The following CTNNBL1 variants were observed in gnomAD, a reference collection of about 807,000 sequenced individuals.
CTNNBL1 encodes catenin beta like 1, also known as beta-catenin-like protein 1.
CTNNBL1 carries 31 observed loss-of-function variants against 72.7 expected under a neutral mutation model. That is an observed-to-expected ratio of 0.43 (90% CI 0.32 to 0.58). The LOEUF (loss-of-function observed/expected upper bound fraction) is 0.58. Ranked by LOEUF, CTNNBL1 falls within the 20% of genes least tolerant of loss-of-function variation. The pLI is 0.08. For missense variants in CTNNBL1, 534 were observed against 725.1 expected, an observed-to-expected ratio of 0.74 and a Z score of 3.03; for synonymous variants, 240 against 267.3, an observed-to-expected ratio of 0.90 and a Z score of 1.00.
intron 11 of CTNNBL1, among the ~76,000 whole-genome samples, chr20:37,828,247 G>A (rs895934209): frequency 1.3e-5 from 2 of 152,152 alleles, no homozygotes; most frequent in African/African-American, 4.8e-5. Context: ...GATAGTTTCA[G>A]TACAACACAG....
chr20:37,715,437 A>G (rs1210040024), intron 1 of CTNNBL1, among the ~76,000 whole-genome samples: 1 of 152,230 alleles, frequency 6.6e-6, no homozygotes, highest in Middle Eastern at 3.2e-3. Flanking sequence ...TAACTGTTGA[A>G]TAGTTTGGAT....
chr20:37,839,950 G>A (rs930358253), intron 11 of CTNNBL1, 152 bp from the exon 12 acceptor site: 22 of 572,488 alleles, frequency 3.8e-5, no homozygotes, highest in Non-Finnish European at 5.9e-5. Flanking sequence ...CGGTTTTTTA[G>A]TGACACAATT....
At chr20:37,796,978 G>A (rs2122725002) in intron 10 of CTNNBL1, among the ~76,000 whole-genome samples, 1 of 152,298 alleles carries the variant, frequency 6.6e-6, no homozygotes, top group South Asian at 2.1e-4. Context: ...GGGTGATATG[G>A]GTAGTGATGT....
chr20:37,717,539 G>C lies in CTNNBL1; in HGVS notation c.31-15340G>C, dbSNP rs147151933. 1.2e-4 allele frequency among the ~76,000 whole-genome samples: 19 copies of C among 152,132 alleles called. No individual in the cohort carries two copies. The East Asian group carries it at 3.7e-3, about 29-fold the overall frequency. On this transcript the variant is annotated intron_variant, in intron 1 of 15. Coordinates refer to ENST00000361383, the MANE Select transcript of CTNNBL1 (RefSeq NM_030877.5). Reference sequence around the variant, plus strand: ...TTATTTAAAGGTTCAGAGTGGACTGGTGTCAATGGCAGGTGACCCAGTGCT... The same window carrying C: ...TTATTTAAAGGTTCAGAGTGGACTGCTGTCAATGGCAGGTGACCCAGTGCT...
chr20:37,871,663 C>T (rs144549910), intron 15 of CTNNBL1, among the ~76,000 whole-genome samples: 10 of 152,244 alleles, frequency 6.6e-5, no homozygotes, highest in Non-Finnish European at 8.8e-5. Flanking sequence ...GTAGCATCCA[C>T]GCCATGTGTG....
At chr20:37,731,870 A>G (rs1487769503) in intron 1 of CTNNBL1, among the ~76,000 whole-genome samples, 2 of 152,196 alleles carry the variant, frequency 1.3e-5, no homozygotes, top group Non-Finnish European at 2.9e-5. Context: ...ATAATGCTAC[A>G]ATGAACAGGG....
intron 1 of CTNNBL1, chr20:37,727,159 T>TAAAAA (rs34454965): frequency 6.3e-6 from 1 of 158,466 alleles, no homozygotes; most frequent in Admixed American, 6.6e-5. Flanking sequence ...GCTTTTTAAT[T>TAAAAA]AAAAAAAAAG....
At chr20:37,731,937 G>T (rs571033058) in intron 1 of CTNNBL1, among the ~76,000 whole-genome samples, 2 of 152,314 alleles carry the variant, frequency 1.3e-5, no homozygotes, top group South Asian at 2.1e-4. Flanking sequence ...CCAAAAGTGG[G>T]ATTGCTGGAT....
chr20:37,858,782 G>A (rs1423015705), intron 13 of CTNNBL1, among the ~76,000 whole-genome samples: 2 of 152,134 alleles, frequency 1.3e-5, no homozygotes, highest in African/African-American at 4.8e-5. Context: ...TATGAGGACA[G>A]CAAGTCTGAG....
At chr20:37,737,521 T>C (rs1211744000) in intron 3 of CTNNBL1, 37 bp downstream of exon 3, 20 of 1,412,512 alleles carry the variant, frequency 1.4e-5, no homozygotes, top group Non-Finnish European at 2.0e-5. Context: ...GTCTCCTCTG[T>C]GGCGTTTCGT....
chr20:37,855,415 A>T (rs374430762), intron 13 of CTNNBL1, among the ~76,000 whole-genome samples: 4 of 152,176 alleles, frequency 2.6e-5, no homozygotes, highest in East Asian at 3.8e-4. Context: ...TTTCAAAAAT[A>T]ATTTCATATT....
At chr20:37,765,387 C>A in intron 6 of CTNNBL1, 97 bp downstream of exon 6, 1 of 789,726 alleles carries the variant, frequency 1.3e-6, no homozygotes, top group Non-Finnish European at 2.1e-6. Context: ...GAGTCAATAG[C>A]AGGCTGTTTT....
chr20:37,770,701 A>G (rs910259405), intron 7 of CTNNBL1, among the ~76,000 whole-genome samples: 1 of 152,182 alleles, frequency 6.6e-6, no homozygotes, highest in East Asian at 1.9e-4. Flanking sequence ...CACTGCATTG[A>G]TGTAATCCTC....
intron 6 of CTNNBL1, 58 bp downstream of exon 6, chr20:37,765,348 G>A: frequency 1.8e-6 from 2 of 1,126,744 alleles, no homozygotes; most frequent in Non-Finnish European, 2.6e-6. Flanking sequence ...TTGGGACTCT[G>A]TGCTCATTTC....
intron 5 of CTNNBL1, among the ~76,000 whole-genome samples, chr20:37,759,105 C>T (rs1397932205): frequency 6.6e-6 from 1 of 152,194 alleles, no homozygotes; most frequent in Non-Finnish European, 1.5e-5. Context: ...ATGAAAATTT[C>T]TATGGCCATT....
chr20:37,714,725 A>G (rs1177768202), intron 1 of CTNNBL1, among the ~76,000 whole-genome samples: 1 of 152,264 alleles, frequency 6.6e-6, no homozygotes, highest in Non-Finnish European at 1.5e-5. Context: ...TGTACAGAAC[A>G]ACCAAATTAG....
intron 1 of CTNNBL1, among the ~76,000 whole-genome samples, chr20:37,709,454 A>G (rs2072918608): frequency 6.6e-6 from 1 of 152,240 alleles, no homozygotes; most frequent in Admixed American, 6.5e-5. Flanking sequence ...CTGCTGGTAT[A>G]TAATGTTGGA....
intron 9 of CTNNBL1, 30 bp downstream of exon 9, chr20:37,777,742 G>C: frequency 6.2e-7 from 1 of 1,606,174 alleles, no homozygotes; most frequent in Admixed American, 1.7e-5. Context: ...CCTGTCTGCT[G>C]TAAGATACAT....
At chr20:37,821,671 T>C (rs57422084) in intron 11 of CTNNBL1, among the ~76,000 whole-genome samples, 3,621 of 152,330 alleles carry the variant, frequency 0.024, 139 homozygotes, top group African/African-American at 0.081. Flanking sequence ...ATATGTATGT[T>C]AGCAATAGAA....
Sources: gnomAD v4.1 joint callset for allele counts (sites outside exome capture counted in the v4.1 genomes callset) on GRCh38, gnomAD v4.1.1 for gene constraint, MANE v1.5 for transcripts, NCBI Gene and HGNC (gene_info 2026-07-23, HGNC 2026-07-21) for gene names.